The following MMS22L variants were observed in gnomAD, a reference collection of about 807,000 sequenced individuals.
MMS22L encodes protein MMS22-like.
A neutral mutation model predicts 159.1 loss-of-function variants in MMS22L; 74 were observed. The ratio of observed to expected loss-of-function variants is 0.47; its 90% CI spans 0.39 to 0.56. The LOEUF is 0.56. Ranked by LOEUF, MMS22L falls within the 20% of genes least tolerant of loss-of-function variation. The pLI is 0.00. For synonymous variants in MMS22L, 517 were observed against 506.9 expected (o/e 1.02, Z -0.27); for missense variants, 1,351 against 1,422.1 (o/e 0.95, Z 0.80).
intron 16 of MMS22L, among the ~76,000 whole-genome samples, chr6:97,180,480 G>A (rs1232209668): frequency 1.3e-5 from 2 of 152,024 alleles, no homozygotes; most frequent in Non-Finnish European, 2.9e-5. Context: ...AAAATGTTAT[G>A]TAATGTCCAA....
At chr6:97,155,244 T>TA (rs566346768) in intron 22 of MMS22L, among the ~76,000 whole-genome samples, 194 of 152,308 alleles carry the variant, frequency 1.3e-3, no homozygotes, top group South Asian at 2.5e-3. Context: ...GACTCGTGTT[T>TA]GTTTCTTTAA....
chr6:97,202,734 A>T (rs980630705), intron 14 of MMS22L, among the ~76,000 whole-genome samples: 5 of 152,190 alleles, frequency 3.3e-5, no homozygotes, highest in Non-Finnish European at 2.9e-5. Flanking sequence ...TCAAGATTTA[A>T]CTGTAATAAT....
chr6:97,149,602 C>G (rs1164485282), intron 24 of MMS22L, among the ~76,000 whole-genome samples: 1 of 152,186 alleles, frequency 6.6e-6, no homozygotes, highest in Non-Finnish European at 1.5e-5. Flanking sequence ...CTGAAATATA[C>G]AGCTTTCTAA....
Position 97,168,063 on chromosome 6 carries a change from T to C in MMS22L, c.3009+8A>G, listed in dbSNP as rs1803155191. On this transcript the variant is annotated splice_region_variant and intron_variant, in intron 20 of 24. Coordinates refer to ENST00000683635, the MANE Select transcript of MMS22L (RefSeq NM_001350599.2). ...TTTTAAACTTTTAAGCAACCACAGA[T>C]ACTATACCTGGAGATACAAAGGAAG... 1.3e-6 allele frequency: 2 copies of C among 1,596,102 alleles called. No individual in the cohort carries two copies. Among genetic ancestry groups the C allele is most frequent in the African/African-American group, 1.4e-5 (1 of 73,846 alleles).
At chr6:97,259,539 C>T in intron 9 of MMS22L, 1 of 152,122 alleles carries the variant, frequency 6.6e-6, no homozygotes, top group East Asian at 1.9e-4. Context: ...GACTTGGACT[C>T]AGACTGGAAA....
chr6:97,160,797 T>G (rs182240129), intron 22 of MMS22L, among the ~76,000 whole-genome samples: 1 of 152,136 alleles, frequency 6.6e-6, no homozygotes, highest in Admixed American at 6.6e-5. Context: ...CATTTTTTTG[T>G]CCTCTGTGCT....
At chr6:97,176,042 C>T (rs888794541) in intron 18 of MMS22L, among the ~76,000 whole-genome samples, 5 of 151,978 alleles carry the variant, frequency 3.3e-5, no homozygotes, top group East Asian at 1.9e-4. Flanking sequence ...TTGTCGTTCA[C>T]GGAATACTGA....
At chr6:97,158,843 T>C (rs1582393536) in intron 22 of MMS22L, among the ~76,000 whole-genome samples, 1 of 152,182 alleles carries the variant, frequency 6.6e-6, no homozygotes, top group African/African-American at 2.4e-5. Context: ...GGTCCAGAGC[T>C]GAGTTCAAGT....
chr6:97,245,065 G>C (rs1234858547), intron 11 of MMS22L, among the ~76,000 whole-genome samples: 1 of 152,014 alleles, frequency 6.6e-6, no homozygotes, highest in Non-Finnish European at 1.5e-5. Flanking sequence ...ACAGCCAACA[G>C]AGCTGAATTT....
In MMS22L at chr6:97,272,684, T is replaced by G; in HGVS notation, c.606+20A>C. ...GGAGAAAAAGCTGATAATTTAAAAA[T>G]CAAATGAAACAAGTCAAACCTTAAT... On this transcript the variant is annotated intron_variant, in intron 6 of 24. Coordinates refer to ENST00000683635, the MANE Select transcript of MMS22L (RefSeq NM_001350599.2). 1 of 1,586,762 alleles carries G rather than the reference T, an allele frequency of 6.3e-7. No individual in the cohort carries two copies. Among genetic ancestry groups the G allele is most frequent in the Non-Finnish European group, 8.6e-7 (1 of 1,165,426 alleles).
At position 97,144,781 on chromosome 6, in the gene MMS22L, T is replaced by C. The variant is rs918203141; in HGVS notation, c.*2025A>G. On this transcript the variant is annotated 3_prime_UTR_variant, in exon 25 of 25. Transcript: ENST00000683635. ...CATAAATTTTCTTCTTTTTTCAATT[T>C]AAAAAAAAGCTTTAAAAAAAGTTAC... The C allele has an allele frequency of 5.9e-5, 9 of 151,494 alleles. No homozygotes were observed. The highest frequency in any genetic ancestry group is 1.9e-4 in the African/African-American group (8 of 41,210). The allele number at this position is 151,494 out of a possible 1,614,324, so 9.4% of individuals were successfully genotyped here. A position where few individuals can be genotyped will look rare whatever the true frequency, so the allele number is the denominator to read the frequency against.
intron 6 of MMS22L, 111 bp from the exon 7 acceptor site, chr6:97,270,103 C>A: frequency 1.3e-6 from 1 of 783,488 alleles, no homozygotes; most frequent in Non-Finnish European, 2.1e-6. Context: ...ACCAATTAAC[C>A]TACCACTATT....
At chr6:97,245,784 A>G (rs1287337474) in intron 11 of MMS22L, among the ~76,000 whole-genome samples, 1 of 151,824 alleles carries the variant, frequency 6.6e-6, no homozygotes, top group Non-Finnish European at 1.5e-5. Context: ...AGTAAGAGTT[A>G]ATGCAGATAA....
intron 23 of MMS22L, 108 bp downstream of exon 23, chr6:97,151,663 A>T (rs987023085): frequency 1.2e-6 from 1 of 817,878 alleles, no homozygotes; most frequent in African/African-American, 1.7e-5. Flanking sequence ...AAATACTATA[A>T]ACAAGTAGTA....
chr6:97,160,925 G>A (rs1295378526), intron 22 of MMS22L, among the ~76,000 whole-genome samples: 6 of 151,748 alleles, frequency 4.0e-5, no homozygotes, highest in Non-Finnish European at 8.8e-5. Flanking sequence ...ATTTCCATTT[G>A]GTTCTTTTCA....
At position 97,173,130 on chromosome 6, in the gene MMS22L, T is replaced by TA. The variant is rs1461895804; in HGVS notation, c.2771_2772insT (p.Lys924AsnfsTer4). On this transcript the variant is annotated frameshift_variant, in exon 19 of 25. Coordinates refer to ENST00000683635, the MANE Select transcript of MMS22L (RefSeq NM_001350599.2). LOFTEE classifies it high-confidence loss of function. ...TTTTTCCCAAATAAGGCTTAATATA[T>TA]TTTAATACTTCACCAAGGTATTCCA... The TA allele has an allele frequency of 6.2e-7, 1 of 1,613,638 alleles. No individual in the cohort carries two copies. Among genetic ancestry groups the TA allele is most frequent in the East Asian group, 2.2e-5 (1 of 44,848 alleles).
chr6:97,205,542 T>C (rs765634786), intron 14 of MMS22L, among the ~76,000 whole-genome samples: 2 of 152,176 alleles, frequency 1.3e-5, no homozygotes, highest in Non-Finnish European at 2.9e-5. Context: ...GCAGCAAGTG[T>C]CAGCATCAGA....
intron 3 of MMS22L, among the ~76,000 whole-genome samples, chr6:97,280,352 G>C (rs79511675): frequency 2.7e-5 from 4 of 147,510 alleles, no homozygotes; most frequent in Admixed American, 6.8e-5. Context: ...TTTTTTTTTT[G>C]AGACAGAGTC....
Position 97,269,926 on chromosome 6 carries a change from G to T in MMS22L, c.673C>A (p.Leu225Ile), listed in dbSNP as rs1475198994. ...LDIHWLVLEI[L>I]YMLGEKLKQV... is the part of the protein sequence containing the mutation. ...CTCAATTTTTCACCCAGCATGTAAA[G>T]AATTTCTAGCACCAGCCAATGTATA... The change falls in exon 7 of 25, where the codon CTT becomes ATT. Residue 225 changes from leucine (L) to isoleucine (I), a missense_variant. Coordinates refer to ENST00000683635, the MANE Select transcript of MMS22L (RefSeq NM_001350599.2). 6.8e-6 allele frequency: 11 copies of T among 1,610,674 alleles called. No individual in the cohort carries two copies. In the African/African-American group the frequency reaches 1.3e-4, roughly 20 times the overall value.
Sources: gnomAD v4.1 joint callset for allele counts (sites outside exome capture counted in the v4.1 genomes callset) on GRCh38, gnomAD v4.1.1 for gene constraint, MANE v1.5 for transcripts, NCBI Gene and HGNC (gene_info 2026-07-23, HGNC 2026-07-21) for gene names.